Variants in STK32C observed in about 807,000 individuals in gnomAD.
STK32C encodes serine/threonine-protein kinase 32C.
Under a neutral mutation model 56.5 loss-of-function variants are expected in STK32C, and 31 were observed. That is an observed-to-expected ratio of 0.55 (90% CI 0.41 to 0.74). The LOEUF is 0.74. STK32C is among the 30% of genes least tolerant of loss of function. The pLI is 0.00. For missense variants in STK32C, 544 were observed against 676.9 expected, an observed-to-expected ratio of 0.80 and a Z score of 2.18; for synonymous variants, 309 against 289.4, an observed-to-expected ratio of 1.07 and a Z score of -0.69.
rs1246840564 is a variant in STK32C at position 132,255,127 on chromosome 10, C to T, written c.263-9172G>A. Among the ~76,000 whole-genome samples, 11 of 152,206 alleles carry T rather than the reference C, an allele frequency of 7.2e-5. No homozygotes were observed. Among genetic ancestry groups the T allele is most frequent in the African/African-American group, 1.7e-4 (7 of 41,438 alleles). ...AAATGTCACACGTGGTTGAAACACA[C>T]GCAGAAGTTGATTAAATGCCGTCTC... On this transcript the variant is annotated intron_variant, in intron 1 of 11. Transcript: ENST00000298630. This position sits in a 1 kb window ranked among gnomAD's most constrained non-coding sequence, Gnocchi z 4.6.
chr10:132,264,398 G>A (rs2064421381), intron 1 of STK32C, among the ~76,000 whole-genome samples: 1 of 152,218 alleles, frequency 6.6e-6, no homozygotes, highest in African/African-American at 2.4e-5. Context: ...CTGAGCCGCA[G>A]GGACCCCTCG....
exon 1 of STK32C, chr10:132,331,449 C>T (rs2066732596): frequency 1.2e-6 from 2 of 1,610,800 alleles, no homozygotes; most frequent in Non-Finnish European, 1.7e-6. Context: ...GTTTCCTCGC[C>T]CCCCTCACTC....
intron 10 of STK32C, among the ~76,000 whole-genome samples, chr10:132,211,318 A>G (rs1006586956): frequency 6.6e-6 from 1 of 151,478 alleles, no homozygotes; most frequent in African/African-American, 2.4e-5. Context: ...CAGCGACACA[A>G]GGTGGGAGGG....
intron 1 of STK32C, among the ~76,000 whole-genome samples, chr10:132,267,258 C>T (rs1199594794): frequency 6.6e-6 from 1 of 152,222 alleles, no homozygotes; most frequent in Non-Finnish European, 1.5e-5. Flanking sequence ...GAAACCTGGC[C>T]AAAATGCGAG....
intron 10 of STK32C, among the ~76,000 whole-genome samples, chr10:132,217,004 C>CGG (rs2062492627): frequency 1.6e-4 from 1 of 6,128 alleles, no homozygotes; most frequent in Non-Finnish European, 4.4e-4. Flanking sequence ...CCCACTGGGG[C>CGG]ACACTGCCTA....
intron 1 of STK32C, among the ~76,000 whole-genome samples, chr10:132,325,492 C>G (rs1391050317): frequency 1.3e-5 from 2 of 150,458 alleles, no homozygotes; most frequent in African/African-American, 4.9e-5. Flanking sequence ...GGCGGAGCTT[C>G]CAGTGAGCCG....
Position 132,228,255 on chromosome 10 carries a change from C to T in STK32C, c.319-127G>A, listed in dbSNP as rs371774882. On this transcript the variant is annotated intron_variant, in intron 2 of 11. Transcript: ENST00000298630. ...CACAAGGGGACACCTGGGGACGCGC[C>T]GCAGCCCCTCTGCCTCCTAGACGCG... The T allele has an allele frequency of 2.7e-5, 33 of 1,202,666 alleles. 1 individual carries two copies. The African/African-American group carries it at 3.6e-4, about 13-fold the overall frequency. The allele number at this position is 1,202,666 out of a possible 1,614,324, so 74.5% of individuals were successfully genotyped here.
At chr10:132,258,387 A>G (rs933156661) in intron 1 of STK32C, among the ~76,000 whole-genome samples, 2 of 152,188 alleles carry the variant, frequency 1.3e-5, no homozygotes, top group Non-Finnish European at 2.9e-5. Flanking sequence ...CTTTTCCTAA[A>G]ATGGAAAGCG....
intron 1 of STK32C, among the ~76,000 whole-genome samples, chr10:132,265,134 C>T (rs2064461949): frequency 6.8e-6 from 1 of 146,726 alleles, no homozygotes; most frequent in Admixed American, 6.7e-5. Context: ...GCCGCAAGGG[C>T]AGTGAGGTGG....
intron 10 of STK32C, among the ~76,000 whole-genome samples, chr10:132,214,692 T>TA (rs747032536): frequency 8.5e-5 from 13 of 152,208 alleles, no homozygotes; most frequent in Admixed American, 2.0e-4. Context: ...AATTATAGCA[T>TA]ACAGATAAAT....
At position 132,268,591 on chromosome 10, in the gene STK32C, G is replaced by A. The variant is rs548673137; in HGVS notation, c.263-22636C>T. On this transcript the variant is annotated intron_variant, in intron 1 of 11. Coordinates refer to ENST00000298630, the MANE Select transcript of STK32C (RefSeq NM_173575.4). ...CGTGTGTACATGCATGTGTATGCAG[G>A]TTCAGCTCTATGCCTGTGTGCATGC... 1.5e-3 allele frequency among the ~76,000 whole-genome samples: 211 copies of A among 142,730 alleles called. 1 individual carries two copies. The highest frequency in any genetic ancestry group is 5.0e-3 in the African/African-American group (187 of 37,580). 93.6% of individuals were successfully genotyped at this position (142,730 alleles called of 152,430 possible).
chr10:132,240,376 G>C (rs939988490), intron 2 of STK32C, among the ~76,000 whole-genome samples: 3 of 152,226 alleles, frequency 2.0e-5, no homozygotes, highest in Admixed American at 6.5e-5. Context: ...GCAGCCGCTG[G>C]CGGGTTGCCA....
intron 10 of STK32C, 57 bp downstream of exon 10, chr10:132,222,584 A>T: frequency 6.3e-7 from 1 of 1,591,344 alleles, no homozygotes; most frequent in Non-Finnish European, 8.5e-7. Context: ...GCTCGGTGGT[A>T]GAGAGGAGCC....
chr10:132,230,664 TG>T (rs1406194451), intron 2 of STK32C, among the ~76,000 whole-genome samples: 3 of 16,048 alleles, frequency 1.9e-4, no homozygotes, highest in Admixed American at 7.6e-4. Context: ...CTCTTGCTGC[TG>T]GGGGGGAAGC....
intron 1 of STK32C, among the ~76,000 whole-genome samples, chr10:132,258,999 A>T (rs1264861783): frequency 1.3e-5 from 2 of 152,218 alleles, no homozygotes; most frequent in Admixed American, 1.3e-4. Flanking sequence ...TTCACTCGAC[A>T]ACACATGAAC....
intron 1 of STK32C, among the ~76,000 whole-genome samples, chr10:132,275,520 G>A (rs908938984): frequency 6.6e-6 from 1 of 152,166 alleles, no homozygotes. Flanking sequence ...CTAGGATTTT[G>A]CTCCAGAATC....
At chr10:132,327,957 G>A (rs1183645550) in intron 1 of STK32C, among the ~76,000 whole-genome samples, 2 of 152,136 alleles carry the variant, frequency 1.3e-5, no homozygotes, top group African/African-American at 4.8e-5. Context: ...GGCAGAAAGT[G>A]CCTGAGAGTA....
chr10:132,220,875 A>G (rs2035804), intron 10 of STK32C, among the ~76,000 whole-genome samples: 118,677 of 152,148 alleles, frequency 0.78, 46,540 homozygotes, highest in Admixed American at 0.85. Context: ...TGGACTTCCG[A>G]TTTACAGAAA....
In STK32C at chr10:132,228,002, C is replaced by G. The variant is rs553393602; in HGVS notation, c.445G>C (p.Glu149Gln). 1.9e-6 allele frequency: 3 copies of G among 1,613,602 alleles called. No homozygotes were observed. ...FRELEILQEI[E>Q]HVFLVNLWYS... Reference sequence around the variant, plus strand: ...CAGAGGTTCACCAGGAAGACGTGCTCGATCTCCTGCAGGATCTCCAGCTCC... The same window carrying G: ...CAGAGGTTCACCAGGAAGACGTGCTGGATCTCCTGCAGGATCTCCAGCTCC... Residue 149 changes from glutamate to glutamine, a missense_variant, in exon 3 of 12, where the codon GAG becomes CAG. Around this residue, in one of 3 missense-constraint regions of STK32C, gnomAD observed 182 missense variants for 217.7 expected, o/e 0.84. Transcript: ENST00000298630.
Sources: gnomAD v4.1 joint callset for allele counts (sites outside exome capture counted in the v4.1 genomes callset) on GRCh38, gnomAD v4.1.1 for gene constraint, gnomAD v4.1.1 regional missense constraint, Gnocchi (gnomAD v3.1) non-coding constraint, MANE v1.5 for transcripts, NCBI Gene and HGNC (gene_info 2026-07-23, HGNC 2026-07-21) for gene names.